Variants in CALN1 observed in about 807,000 individuals in gnomAD.
CALN1 encodes the protein calneuron 1, also known as calcium-binding protein 8.
CALN1 carries 17 observed loss-of-function variants against 30.6 expected under a neutral mutation model. The observed-to-expected ratio is 0.56, with a 90% CI of 0.38 to 0.83. The LOEUF is 0.83. Ranked by LOEUF, CALN1 falls within the 40% of genes least tolerant of loss-of-function variation. The probability of loss-of-function intolerance (pLI) is 0.00; values close to 1 mark genes in which losing one functional copy is unlikely to be tolerated. For missense variants in CALN1, 291 were observed against 354.9 expected (o/e 0.82, Z 1.45); for synonymous variants, 156 against 131.4 (o/e 1.19, Z -1.28).
chr7:72,461,360 G>T, the CALN1 span, among the ~76,000 whole-genome samples: 1 of 152,116 alleles, frequency 6.6e-6, no homozygotes, highest in African/African-American at 2.4e-5. Context: ...GCACTTATAT[G>T]TTCATTGCAA....
intron 3 of CALN1, among the ~76,000 whole-genome samples, chr7:72,270,465 G>T (rs1053668837): frequency 6.6e-6 from 1 of 152,124 alleles, no homozygotes; most frequent in African/African-American, 2.4e-5. Flanking sequence ...CACAAAAAAA[G>T]AAGATAAAAG....
At chr7:72,133,911 G>T (rs1451765001) in intron 3 of CALN1, among the ~76,000 whole-genome samples, 1 of 152,198 alleles carries the variant, frequency 6.6e-6, no homozygotes, top group African/African-American at 2.4e-5. Flanking sequence ...TATCCAAGTG[G>T]TGAAAGTGAA....
At position 72,047,949 on chromosome 7, in the gene CALN1, T is replaced by C. The variant is rs959877058; in HGVS notation, c.389-24180A>G. On this transcript the variant is annotated intron_variant, in intron 4 of 6. Transcript: ENST00000395275. ...GTCTGGGACAGTGGTCTCCATGATG[T>C]GAGCAAAGTAAGAGATGCTCATAAG... Among the ~76,000 whole-genome samples, 8 of 152,108 alleles carry C rather than the reference T, an allele frequency of 5.3e-5. No homozygotes were observed. In the East Asian group the frequency reaches 1.5e-3, roughly 29 times the overall value.
At chr7:71,867,238 T>C (rs1791640465) in intron 5 of CALN1, among the ~76,000 whole-genome samples, 1 of 151,932 alleles carries the variant, frequency 6.6e-6, no homozygotes, top group African/African-American at 2.4e-5. Flanking sequence ...ACAGCTATAT[T>C]ATACACCAGA....
chr7:71,967,314 A>T (rs1411973979), intron 5 of CALN1, among the ~76,000 whole-genome samples: 1 of 152,144 alleles, frequency 6.6e-6, no homozygotes, highest in Admixed American at 6.6e-5. Context: ...ATATGGCAGA[A>T]AATATCACAA....
intron 3 of CALN1, among the ~76,000 whole-genome samples, chr7:72,237,838 G>A (rs1050136371): frequency 6.6e-5 from 10 of 152,322 alleles, no homozygotes; most frequent in African/African-American, 2.4e-4. Flanking sequence ...AAGGGAATGA[G>A]GCATGTTTAA....
rs141613450 is a variant in CALN1, at chr7:72,120,061, T to A, written c.245-13767A>T. Reference sequence around the variant, plus strand: ...GGCAAGAATGACGCTGTCACCCAGGTAGTGAGCATAGTGTCTAATAGGTAA... The same window carrying A: ...GGCAAGAATGACGCTGTCACCCAGGAAGTGAGCATAGTGTCTAATAGGTAA... On this transcript the variant is annotated intron_variant, in intron 3 of 6. Coordinates refer to ENST00000395275, the MANE Select transcript of CALN1 (RefSeq NM_031468.4). Among the ~76,000 whole-genome samples the A allele has an allele frequency of 4.7e-3, 712 of 152,190 alleles. 7 individuals carry two copies. Among genetic ancestry groups the A allele is most frequent in the Non-Finnish European group, 7.9e-3 (537 of 67,998 alleles).
At chr7:71,993,890 C>CATTA (rs1197963785) in intron 5 of CALN1, among the ~76,000 whole-genome samples, 2 of 152,086 alleles carry the variant, frequency 1.3e-5, no homozygotes, top group African/African-American at 4.8e-5. Flanking sequence ...AACTAATGTA[C>CATTA]ATTATGAACC....
At chr7:72,397,211 C>T (rs1427510366) in intron 2 of CALN1, among the ~76,000 whole-genome samples, 1 of 152,100 alleles carries the variant, frequency 6.6e-6, no homozygotes, top group Non-Finnish European at 1.5e-5. Context: ...ATACTCAACC[C>T]ATGTAGGATT....
At chr7:72,280,610 T>C (rs1397761460) in intron 2 of CALN1, among the ~76,000 whole-genome samples, 5 of 152,226 alleles carry the variant, frequency 3.3e-5, no homozygotes, top group Non-Finnish European at 7.3e-5. Flanking sequence ...GACTACTCTA[T>C]CTTTTCCTTA....
intron 1 of CALN1, among the ~76,000 whole-genome samples, chr7:72,418,043 G>C (rs1562961726): frequency 1.3e-5 from 2 of 152,070 alleles, no homozygotes; most frequent in African/African-American, 2.4e-5. Flanking sequence ...TGAGGTTTAG[G>C]GTAAAAACAT....
At chr7:72,160,337 A>G (rs1788013795) in intron 3 of CALN1, among the ~76,000 whole-genome samples, 1 of 150,592 alleles carries the variant, frequency 6.6e-6, no homozygotes, top group Admixed American at 6.6e-5. Context: ...GGAGTGCAGT[A>G]GTGCAATCTA....
intron 5 of CALN1, among the ~76,000 whole-genome samples, chr7:71,972,662 T>G (rs1309742276): frequency 6.6e-6 from 1 of 152,110 alleles, no homozygotes; most frequent in African/African-American, 2.4e-5. Flanking sequence ...CTTAGGAAAT[T>G]TAATGGATTT....
chr7:72,351,705 T>C (rs1401922942), intron 2 of CALN1, among the ~76,000 whole-genome samples: 1 of 151,782 alleles, frequency 6.6e-6, no homozygotes, highest in East Asian at 1.9e-4. Flanking sequence ...AATAAGCCAA[T>C]AGAGAATAAA....
At chr7:71,817,086 T>C (rs1788309188) in intron 5 of CALN1, among the ~76,000 whole-genome samples, 1 of 152,136 alleles carries the variant, frequency 6.6e-6, no homozygotes, top group Non-Finnish European at 1.5e-5. Flanking sequence ...ATCACCTATA[T>C]TGTCAATATC....
At chr7:72,130,453 C>T (rs950410336) in intron 3 of CALN1, among the ~76,000 whole-genome samples, 2 of 152,014 alleles carry the variant, frequency 1.3e-5, no homozygotes, top group African/African-American at 2.4e-5. Flanking sequence ...TTAGATGGGT[C>T]GGTGGTATAG....
intron 3 of CALN1, among the ~76,000 whole-genome samples, chr7:72,190,218 C>T (rs932487924): frequency 3.9e-5 from 6 of 152,082 alleles, no homozygotes; most frequent in Admixed American, 6.6e-5. Flanking sequence ...TAGCTGGGCA[C>T]GGTGGCACAT....
intron 2 of CALN1, among the ~76,000 whole-genome samples, chr7:72,392,983 G>GCAAGACT (rs1241072294): frequency 6.6e-6 from 1 of 151,946 alleles, no homozygotes; most frequent in Non-Finnish European, 1.5e-5. Flanking sequence ...GGGCAACACA[G>GCAAGACT]CAAGACTCTG....
intron 5 of CALN1, among the ~76,000 whole-genome samples, chr7:71,965,854 TTAGTATTTAAAAGCC>T (rs1797504709): frequency 1.3e-5 from 2 of 150,810 alleles, no homozygotes; most frequent in Admixed American, 1.3e-4. Flanking sequence ...CAAAGATAAC[TTAGTATTTAAAAGCC>T]TAGAGGATCT....
Sources: allele counts gnomAD v4.1 joint callset (sites outside exome capture counted in the v4.1 genomes callset), GRCh38; gene constraint gnomAD v4.1.1; transcripts MANE v1.5; gene names NCBI Gene and HGNC (gene_info 2026-07-23, HGNC 2026-07-21).